Variants in SPMIP11 observed in about 807,000 individuals in gnomAD.
The protein encoded by SPMIP11 is sperm microtubule inner protein 11, also known as long intergenic non-protein coding RNA 935.
At chr12:48,751,019 C>T in the SPMIP11 span, among the ~76,000 whole-genome samples, 1 of 152,174 alleles carries the variant, frequency 6.6e-6, no homozygotes, top group Non-Finnish European at 1.5e-5. Context: ...ACTTTTCATT[C>T]TTAACACTGT....
the SPMIP11 span, among the ~76,000 whole-genome samples, chr12:48,734,865 T>TG: frequency 6.6e-6 from 1 of 151,460 alleles, no homozygotes; most frequent in Non-Finnish European, 1.5e-5. Flanking sequence ...ATTAGCCAGG[T>TG]GCGGTGGCGG....
chr12:48,770,204 T>C, the SPMIP11 span, among the ~76,000 whole-genome samples: 1 of 151,918 alleles, frequency 6.6e-6, no homozygotes, highest in Non-Finnish European at 1.5e-5. Flanking sequence ...GCGCCCGGCA[T>C]GGCTTCATCC....
chr12:48,730,006 C>T, the SPMIP11 span, among the ~76,000 whole-genome samples: 63 of 152,236 alleles, frequency 4.1e-4, no homozygotes, highest in Non-Finnish European at 7.6e-4. Context: ...GAGAAACCTA[C>T]AAATTTCCCT....
chr12:48,765,945 GC>G, the SPMIP11 span, among the ~76,000 whole-genome samples: 1 of 152,168 alleles, frequency 6.6e-6, no homozygotes, highest in Non-Finnish European at 1.5e-5. Context: ...AGAACCGCCG[GC>G]TTCATGCATG....
At chr12:48,730,915 G>T in the SPMIP11 span, among the ~76,000 whole-genome samples, 1 of 152,162 alleles carries the variant, frequency 6.6e-6, no homozygotes, top group East Asian at 1.9e-4. Flanking sequence ...TCCAGCCTGG[G>T]TGACAAAAGC....
At chr12:48,755,237 A>G in the SPMIP11 span, among the ~76,000 whole-genome samples, 12 of 152,178 alleles carry the variant, frequency 7.9e-5, no homozygotes, top group African/African-American at 2.9e-4. Flanking sequence ...AAAGCATTAA[A>G]GGTGGTTTTA....
At chr12:48,739,641 G>A in the SPMIP11 span, among the ~76,000 whole-genome samples, 4 of 152,094 alleles carry the variant, frequency 2.6e-5, no homozygotes, top group African/African-American at 4.8e-5. Flanking sequence ...CATGTCCTAC[G>A]TGAATGAAGT....
At chr12:48,735,003 C>CAAAAAAAAA in the SPMIP11 span, among the ~76,000 whole-genome samples, 1 of 84,108 alleles carries the variant, frequency 1.2e-5, no homozygotes, top group East Asian at 3.6e-4. Flanking sequence ...GACTCTGTCT[C>CAAAAAAAAA]AAAAAAAAAA....
At chr12:48,728,264 T>C in the SPMIP11 span, among the ~76,000 whole-genome samples, 1 of 152,110 alleles carries the variant, frequency 6.6e-6, no homozygotes, top group Non-Finnish European at 1.5e-5. Flanking sequence ...ACATTAAATA[T>C]GGAATGTTCT....
chr12:48,752,671 T>C, the SPMIP11 span, among the ~76,000 whole-genome samples: 6 of 65,996 alleles, frequency 9.1e-5, no homozygotes, highest in Admixed American at 2.7e-4. Context: ...TATTTATTCT[T>C]TTTTTTTTTT....
At chr12:48,758,752 T>G in the SPMIP11 span, among the ~76,000 whole-genome samples, 2 of 152,206 alleles carry the variant, frequency 1.3e-5, no homozygotes, top group African/African-American at 4.8e-5. Flanking sequence ...TCTAAACACT[T>G]GTCATTCTGC....
chr12:48,744,038 T>G, the SPMIP11 span, among the ~76,000 whole-genome samples: 4 of 148,626 alleles, frequency 2.7e-5, no homozygotes, highest in Non-Finnish European at 5.9e-5. Context: ...CACCTGAGGT[T>G]GGGAATTCGA....
chr12:48,768,403 A>T, the SPMIP11 span: 6 of 747,086 alleles, frequency 8.0e-6, no homozygotes, highest in South Asian at 5.1e-5. Context: ...TCCTCTCGGT[A>T]GGTAGCCCCT....
At chr12:48,764,848 C>T in the SPMIP11 span, 1 of 702,722 alleles carries the variant, frequency 1.4e-6, no homozygotes, top group Admixed American at 2.0e-5. Flanking sequence ...CCCACCCATT[C>T]AGTTCCCAAT....
At chr12:48,750,565 G>A in the SPMIP11 span, among the ~76,000 whole-genome samples, 1 of 152,106 alleles carries the variant, frequency 6.6e-6, no homozygotes, top group Non-Finnish European at 1.5e-5. Flanking sequence ...GACCACCATG[G>A]GGAACATGCC....
chr12:48,745,040 G>C, the SPMIP11 span, among the ~76,000 whole-genome samples: 1 of 152,068 alleles, frequency 6.6e-6, no homozygotes, highest in Non-Finnish European at 1.5e-5. Context: ...GGAAGCCGAG[G>C]CGGGTGGATC....
At chr12:48,743,933 CAAAAAAAAA>C in the SPMIP11 span, among the ~76,000 whole-genome samples, 36 of 34,892 alleles carry the variant, frequency 1.0e-3, no homozygotes, top group Admixed American at 8.6e-3. Context: ...GACTTCGTCT[CAAAAAAAAA>C]AAAAAAAAAA....
the SPMIP11 span, among the ~76,000 whole-genome samples, chr12:48,753,698 T>C: frequency 1.0e-3 from 148 of 147,820 alleles, 1 homozygote; most frequent in Middle Eastern, 0.014. Context: ...TTTTCTTTTT[T>C]TTTTTTTTTT....
chr12:48,731,977 C>T, the SPMIP11 span, among the ~76,000 whole-genome samples: 12 of 151,936 alleles, frequency 7.9e-5, no homozygotes, highest in South Asian at 2.3e-3. Context: ...GGCAAAACCG[C>T]GTCTCTACTA....
Sources: allele counts gnomAD v4.1 joint callset (sites outside exome capture counted in the v4.1 genomes callset), GRCh38; gene constraint gnomAD v4.1.1; transcripts MANE v1.5; gene names NCBI Gene and HGNC (gene_info 2026-07-23, HGNC 2026-07-21).